The following CATSPERB variants were observed in gnomAD, a reference collection of about 807,000 sequenced individuals.
CATSPERB encodes the protein catsper channel auxiliary subunit beta, also known as cation channel sperm-associated auxiliary subunit beta.
In CATSPERB, 93 loss-of-function variants were observed where a neutral mutation model predicts 128.3. The observed-to-expected ratio is 0.72, with a 90% CI of 0.61 to 0.86. The LOEUF (loss-of-function observed/expected upper bound fraction) is 0.86. CATSPERB is among the 40% of genes least tolerant of loss of function. CATSPERB has a pLI of 0.00. For synonymous variants in CATSPERB, 381 were observed against 448.8 expected (o/e 0.85, Z 1.91); for missense variants, 1,153 against 1,329.5 (o/e 0.87, Z 2.06).
At chr14:91,636,043 T>C (rs1461440292) in intron 17 of CATSPERB, 1 of 163,660 alleles carries the variant, frequency 6.1e-6, no homozygotes, top group African/African-American at 2.4e-5. Context: ...ACCAAGAAAA[T>C]TATTCAAAAA....
intron 14 of CATSPERB, among the ~76,000 whole-genome samples, chr14:91,662,107 T>C (rs1894897041): frequency 6.6e-6 from 1 of 152,162 alleles, no homozygotes; most frequent in Non-Finnish European, 1.5e-5. Flanking sequence ...TGAAAACCTA[T>C]GAATCGGCAT....
intron 12 of CATSPERB, among the ~76,000 whole-genome samples, chr14:91,673,429 C>A (rs1300329841): frequency 6.6e-6 from 1 of 152,172 alleles, no homozygotes; most frequent in African/African-American, 2.4e-5. Flanking sequence ...GGCTGCAGCA[C>A]CTGATTAAAG....
chr14:91,707,270 C>T (rs568908173), intron 6 of CATSPERB, among the ~76,000 whole-genome samples: 1 of 152,074 alleles, frequency 6.6e-6, no homozygotes, highest in South Asian at 2.1e-4. Context: ...ATTTGTGAAG[C>T]TTTTTGCTGC....
At chr14:91,654,999 CAGTCTCTTCCTGTAATACCTGGTA>C (rs1894763931) in intron 15 of CATSPERB, among the ~76,000 whole-genome samples, 1 of 151,984 alleles carries the variant, frequency 6.6e-6, no homozygotes, top group South Asian at 2.1e-4. Flanking sequence ...CCTGGTAATA[CAGTCTCTTCCTGTAATACCTGGTA>C]ATACAGGTAA....
chr14:91,648,355 T>G (rs150805067), intron 15 of CATSPERB, among the ~76,000 whole-genome samples: 5 of 152,334 alleles, frequency 3.3e-5, no homozygotes, highest in African/African-American at 4.8e-5. Context: ...TGCTTGGTCT[T>G]ATCATCAATA....
intron 2 of CATSPERB, among the ~76,000 whole-genome samples, chr14:91,726,317 G>A (rs1896119019): frequency 6.6e-6 from 1 of 152,192 alleles, no homozygotes; most frequent in Admixed American, 6.5e-5. Context: ...CTGCCATGGA[G>A]CCAGAGCCCA....
chr14:91,587,704 C>A (rs1893328630), intron 25 of CATSPERB, among the ~76,000 whole-genome samples: 1 of 151,948 alleles, frequency 6.6e-6, no homozygotes, highest in Non-Finnish European at 1.5e-5. Context: ...TAATACTGAG[C>A]CCATTTCTTC....
At position 91,694,209 on chromosome 14, in the gene CATSPERB, C is replaced by T. The variant is rs549879327; in HGVS notation, c.617-730G>A. Among the ~76,000 whole-genome samples, 13 of 152,208 alleles carry T rather than the reference C, an allele frequency of 8.5e-5. No individual in the cohort carries two copies. In the East Asian group the frequency reaches 2.3e-3, roughly 27 times the overall value. On this transcript the variant is annotated intron_variant, in intron 7 of 26. Transcript: ENST00000256343. ...CCTATAATCCCAGCACTTTGAGAGG[C>T]CAAGGCAGGAGGATCACTTGAGCCC...
chr14:91,583,140 T>C (rs1011319596), intron 26 of CATSPERB, among the ~76,000 whole-genome samples: 15 of 152,346 alleles, frequency 9.8e-5, no homozygotes, highest in African/African-American at 2.2e-4. Context: ...CACTTGTGGC[T>C]GGGCACGGTG....
At chr14:91,600,600 A>G (rs1178409801) in intron 22 of CATSPERB, among the ~76,000 whole-genome samples, 1 of 152,238 alleles carries the variant, frequency 6.6e-6, no homozygotes, top group East Asian at 1.9e-4. Context: ...TTCAACACAT[A>G]CTTTTATGTA....
At chr14:91,716,948 A>G (rs1461212604) in intron 5 of CATSPERB, among the ~76,000 whole-genome samples, 1 of 152,240 alleles carries the variant, frequency 6.6e-6, no homozygotes, top group African/African-American at 2.4e-5. Context: ...AAAAACCTGT[A>G]TGAGATTGTT....
intron 7 of CATSPERB, among the ~76,000 whole-genome samples, chr14:91,700,395 T>G (rs1395141884): frequency 6.6e-6 from 1 of 152,188 alleles, no homozygotes; most frequent in African/African-American, 2.4e-5. Flanking sequence ...TTTGCCGATT[T>G]TGGTATCAGG....
At chr14:91,656,893 A>T (rs890748713) in intron 15 of CATSPERB, among the ~76,000 whole-genome samples, 4 of 152,166 alleles carry the variant, frequency 2.6e-5, no homozygotes, top group Admixed American at 1.3e-4. Context: ...ATTTCAAGAC[A>T]AAAACTATAG....
At chr14:91,668,978 T>C (rs1462175065) in intron 14 of CATSPERB, among the ~76,000 whole-genome samples, 1 of 152,170 alleles carries the variant, frequency 6.6e-6, no homozygotes, top group Admixed American at 6.5e-5. Context: ...GACACAATGA[T>C]TGTAAGTTTT....
At chr14:91,705,432 T>C (rs1402969009) in intron 6 of CATSPERB, among the ~76,000 whole-genome samples, 1 of 152,136 alleles carries the variant, frequency 6.6e-6, no homozygotes, top group Non-Finnish European at 1.5e-5. Context: ...AGATAGAAGT[T>C]GGGAATGAGA....
intron 7 of CATSPERB, among the ~76,000 whole-genome samples, chr14:91,698,994 T>C (rs1303475811): frequency 6.6e-6 from 1 of 152,242 alleles, no homozygotes; most frequent in Admixed American, 6.5e-5. Context: ...CTTAGAATAA[T>C]GGCCTCCAGC....
intron 22 of CATSPERB, among the ~76,000 whole-genome samples, chr14:91,605,950 C>T (rs1036423617): frequency 3.3e-5 from 5 of 151,926 alleles, no homozygotes; most frequent in Admixed American, 6.6e-5. Flanking sequence ...CCGAGGCGGG[C>T]GGATCCCTTG....
In CATSPERB at chr14:91,624,969, T is replaced by A. The variant is rs781328597; in HGVS notation, c.1781A>T (p.His594Leu). ...GGACAAAAATCCTTTAGGAGTCGTA[T>A]GTTGCAATACCTTTCTTATGTAAGC... is the stretch of plus-strand genomic sequence containing the variant. The part of the protein sequence containing the change: ...GRAYIRKVLQ[H>L]TTPKGFLSSV... Residue 594 changes from histidine to leucine, a missense_variant, in exon 18 of 27, where the codon CAT becomes CTT. Transcript: ENST00000256343. 53 of 1,607,588 alleles carry A rather than the reference T, an allele frequency of 3.3e-5. No homozygotes were observed. In the South Asian group the frequency reaches 5.3e-4, roughly 16 times the overall value.
chr14:91,656,602 A>G (rs1266577059), intron 15 of CATSPERB, among the ~76,000 whole-genome samples: 3 of 152,148 alleles, frequency 2.0e-5, no homozygotes, highest in Non-Finnish European at 4.4e-5. Context: ...GAGAAGGAAG[A>G]GAAGACCACA....
Sources: gnomAD v4.1 joint callset for allele counts (sites outside exome capture counted in the v4.1 genomes callset) on GRCh38, gnomAD v4.1.1 for gene constraint, MANE v1.5 for transcripts, NCBI Gene and HGNC (gene_info 2026-07-23, HGNC 2026-07-21) for gene names.